Variants in NECAB2 observed in about 807,000 individuals in gnomAD.
NECAB2 encodes N-terminal EF-hand calcium-binding protein 2.
A neutral mutation model predicts 51.9 loss-of-function variants in NECAB2; 68 were observed. The ratio of observed to expected loss-of-function variants is 1.31; its 90% CI spans 1.08 to 1.60. The LOEUF is 1.60. NECAB2 is among the 40% of genes most tolerant of loss of function. The pLI, the probability that NECAB2 is intolerant of heterozygous loss-of-function variation, is 0.00. For synonymous variants in NECAB2, 329 were observed against 203.5 expected (o/e 1.62, Z -5.25); for missense variants, 854 against 490.3 (o/e 1.74, Z -7.00).
At chr16:83,976,876 C>G (rs1053122535) in intron 2 of NECAB2, among the ~76,000 whole-genome samples, 1 of 152,228 alleles carries the variant, frequency 6.6e-6, no homozygotes, top group Non-Finnish European at 1.5e-5. Flanking sequence ...GTGTTGAGCT[C>G]CAGCAGAGCT....
intron 12 of NECAB2, 55 bp downstream of exon 12, chr16:84,001,971 G>C (rs2084846168): frequency 1.9e-6 from 3 of 1,566,634 alleles, no homozygotes; most frequent in African/African-American, 1.4e-5. Flanking sequence ...AGAAGGGCAA[G>C]AGCCTAGAGG....
intron 11 of NECAB2, among the ~76,000 whole-genome samples, chr16:84,001,349 A>T (rs111389730): frequency 1.3e-5 from 2 of 151,944 alleles, no homozygotes; most frequent in Admixed American, 6.5e-5. Context: ...GGGGTAGCCC[A>T]TGCCCCCATC....
intron 8 of NECAB2, 127 bp from the exon 9 acceptor site, chr16:83,997,089 C>G (rs1036089065): frequency 9.4e-7 from 1 of 1,059,788 alleles, no homozygotes; most frequent in Non-Finnish European, 1.4e-6. Flanking sequence ...GCGTTGGTCT[C>G]CCAGCCCTGT....
intron 3 of NECAB2, among the ~76,000 whole-genome samples, chr16:83,979,891 A>G (rs539975341): frequency 4.6e-5 from 7 of 152,214 alleles, no homozygotes; most frequent in Admixed American, 4.6e-4. Context: ...TTTGTGCCCA[A>G]AACAGTGTAC....
At chr16:83,978,253 G>A (rs928196725) in intron 2 of NECAB2, among the ~76,000 whole-genome samples, 191 bp from the exon 3 acceptor site, 1 of 152,170 alleles carries the variant, frequency 6.6e-6, no homozygotes, top group African/African-American at 2.4e-5. Context: ...GGAATTAGCT[G>A]GGTGGGTAGG....
intron 3 of NECAB2, among the ~76,000 whole-genome samples, chr16:83,980,104 C>G: frequency 6.6e-6 from 1 of 152,316 alleles, no homozygotes; most frequent in Middle Eastern, 3.4e-3. Flanking sequence ...CCACTGAGCA[C>G]GATGAGGGAC....
chr16:83,977,510 C>T (rs1198066474), intron 2 of NECAB2, among the ~76,000 whole-genome samples: 1 of 152,056 alleles, frequency 6.6e-6, no homozygotes, highest in Non-Finnish European at 1.5e-5. Context: ...AGAGCAACTG[C>T]AAGTGAAGGG....
rs376523435 is a variant in NECAB2, at chr16:84,002,498, C to T, written c.*152C>T. 35 of 984,074 alleles carry T rather than the reference C, an allele frequency of 3.6e-5. No homozygotes were observed. The highest frequency in any genetic ancestry group is 2.1e-4 in the Middle Eastern group (1 of 4,738). The allele number at this position is 984,074 out of a possible 1,614,324, so 61.0% of individuals were successfully genotyped here. On this transcript the variant is annotated 3_prime_UTR_variant, in exon 13 of 13. Coordinates refer to ENST00000305202, the MANE Select transcript of NECAB2 (RefSeq NM_019065.3). ...TTCCCTGTTGTTAAGTGAAGGAGGC[C>T]GCCCCTGCCCCCACCTGAGAAGGCA...
intron 10 of NECAB2, 79 bp from the exon 11 acceptor site, chr16:84,000,645 C>G (rs1005545426): frequency 6.2e-6 from 8 of 1,280,498 alleles, no homozygotes; most frequent in Admixed American, 1.8e-5. Flanking sequence ...TGGTGGGTCT[C>G]AGGCCACCCC....
chr16:83,970,026 C>G (rs959245591), intron 1 of NECAB2, among the ~76,000 whole-genome samples: 7 of 152,210 alleles, frequency 4.6e-5, no homozygotes, highest in African/African-American at 1.7e-4. Context: ...CACGCACACA[C>G]AGCCAGAGAC....
chr16:83,986,443 G>A (rs941390411), intron 5 of NECAB2, among the ~76,000 whole-genome samples: 1 of 152,230 alleles, frequency 6.6e-6, no homozygotes, highest in African/African-American at 2.4e-5. Flanking sequence ...GTGAATAAAT[G>A]CATGAATGGT....
chr16:83,996,353 A>C (rs1428171556), intron 8 of NECAB2, among the ~76,000 whole-genome samples: 1 of 152,140 alleles, frequency 6.6e-6, no homozygotes. Flanking sequence ...ATCAGCTACT[A>C]CAGAGCCCAG....
intron 5 of NECAB2, among the ~76,000 whole-genome samples, chr16:83,981,660 T>C (rs1372703396): frequency 1.3e-5 from 2 of 152,028 alleles, no homozygotes; most frequent in Non-Finnish European, 2.9e-5. Flanking sequence ...CAGACAGCCA[T>C]AGCTGCTGGC....
chr16:83,989,650 C>T (rs2084597029), intron 5 of NECAB2, among the ~76,000 whole-genome samples: 2 of 152,126 alleles, frequency 1.3e-5, no homozygotes, highest in African/African-American at 2.4e-5. Flanking sequence ...TTTTCATCAT[C>T]CCGTCCTTGA....
intron 1 of NECAB2, among the ~76,000 whole-genome samples, chr16:83,970,182 C>T (rs1349882814): frequency 6.6e-6 from 1 of 152,140 alleles, no homozygotes; most frequent in Non-Finnish European, 1.5e-5. Flanking sequence ...ATCTCCTCAC[C>T]TGCCAAAAGG....
At chr16:83,980,735 G>A (rs1406607087) in intron 3 of NECAB2, 104 bp from the exon 4 acceptor site, 9 of 1,436,962 alleles carry the variant, frequency 6.3e-6, no homozygotes, top group East Asian at 5.0e-5. Flanking sequence ...CAGCACACAG[G>A]CTGCAAAGAG....
In NECAB2 at chr16:83,978,536, G is replaced by T; in HGVS notation, c.319G>T (p.Asp107Tyr). ...ACTGGAGGATCTCTTTCACACGATTGACTCTGACAACACCAAGTGAGCTTC... is the reference window on the plus strand; with the variant it reads ...ACTGGAGGATCTCTTTCACACGATTTACTCTGACAACACCAAGTGAGCTTC... ...KELEDLFHTI[D>Y]SDNTNHVDTK... The change falls in exon 3 of 13, where the codon GAC becomes TAC. Residue 107 changes from aspartate to tyrosine, a missense_variant. Asp to Tyr is a radical substitution (Grantham distance 160). Transcript: ENST00000305202. The T allele has an allele frequency of 1.2e-6, 2 of 1,613,542 alleles. No individual in the cohort carries two copies. The highest frequency in any genetic ancestry group is 2.2e-5 in the South Asian group (2 of 91,022).
rs115236515 is a variant in NECAB2, at chr16:83,982,032, A to G, written c.459+905A>G. On this transcript the variant is annotated intron_variant, in intron 5 of 12. Coordinates refer to ENST00000305202, the MANE Select transcript of NECAB2 (RefSeq NM_019065.3). ...GTTTTTCCATCTGTGAAATGGAGAC[A>G]TCCACCTTATGAATTACGAAGTCCT... is the stretch of plus-strand genomic sequence containing the variant. 2.5e-3 allele frequency among the ~76,000 whole-genome samples: 388 copies of G among 152,324 alleles called. 6 individuals are homozygous for G. Among genetic ancestry groups the G allele is most frequent in the African/African-American group, 8.9e-3 (370 of 41,566 alleles).
At chr16:84,000,933 G>T in intron 11 of NECAB2, 132 bp downstream of exon 11, 2 of 845,192 alleles carry the variant, frequency 2.4e-6, no homozygotes, top group Non-Finnish European at 3.8e-6. Context: ...GCATCTACCC[G>T]CTGGCATGCT....
Sources: gnomAD v4.1 joint callset for allele counts (sites outside exome capture counted in the v4.1 genomes callset) on GRCh38, gnomAD v4.1.1 for gene constraint, MANE v1.5 for transcripts, NCBI Gene and HGNC (gene_info 2026-07-23, HGNC 2026-07-21) for gene names.